Variants in ST3GAL3 observed in about 807,000 individuals in gnomAD.
ST3GAL3 encodes the protein CMP-N-acetylneuraminate-beta-1,4-galactoside alpha-2,3-sialyltransferase.
A neutral mutation model predicts 50.1 loss-of-function variants in ST3GAL3; 21 were observed. The ratio of observed to expected loss-of-function variants is 0.42; its 90% CI spans 0.30 to 0.60. ST3GAL3 has a LOEUF of 0.60. ST3GAL3 is among the 20% of genes least tolerant of loss of function. ST3GAL3 has a pLI of 0.19. For missense variants in ST3GAL3, 353 were observed against 489.4 expected (o/e 0.72, Z 2.63); for synonymous variants, 183 against 190.0 (o/e 0.96, Z 0.30).
intron 4 of ST3GAL3, among the ~76,000 whole-genome samples, chr1:43,823,308 A>G (rs1437363344): frequency 6.6e-6 from 1 of 152,066 alleles, no homozygotes; most frequent in Admixed American, 6.6e-5. Flanking sequence ...AAGGCCCTAC[A>G]TGGTCCACAC....
chr1:43,896,647 A>C (rs1558772911), intron 6 of ST3GAL3: 1 of 152,278 alleles, frequency 6.6e-6, no homozygotes, highest in Non-Finnish European at 1.5e-5. Flanking sequence ...GCGCTCAAGC[A>C]ATCCTCTCAC....
chr1:43,861,854 C>A (rs2070018855), intron 5 of ST3GAL3, among the ~76,000 whole-genome samples: 1 of 152,114 alleles, frequency 6.6e-6, no homozygotes, highest in Non-Finnish European at 1.5e-5. Context: ...CATGGAGAAA[C>A]CCCGTCTCTA....
At chr1:43,781,123 T>TA (rs1047043548) in intron 2 of ST3GAL3, among the ~76,000 whole-genome samples, 10 of 152,186 alleles carry the variant, frequency 6.6e-5, no homozygotes, top group South Asian at 4.1e-4. Flanking sequence ...TCCACTTGTC[T>TA]ACTTGGTTTC....
intron 9 of ST3GAL3, chr1:43,916,504 A>T (rs1292627431): frequency 6.6e-6 from 1 of 152,268 alleles, no homozygotes; most frequent in Non-Finnish European, 1.5e-5. Flanking sequence ...AAGGAGAAGG[A>T]AGAGGTCTGG....
chr1:43,719,934 G>GA (rs148364295), intron 1 of ST3GAL3, among the ~76,000 whole-genome samples: 433 of 41,722 alleles, frequency 0.01, 34 homozygotes, highest in African/African-American at 0.025. Context: ...CTCTGTCTCA[G>GA]AAAAAAAAAA....
At chr1:43,765,725 T>G (rs1692294701) in intron 2 of ST3GAL3, among the ~76,000 whole-genome samples, 1 of 150,480 alleles carries the variant, frequency 6.6e-6, no homozygotes, top group African/African-American at 2.5e-5. Context: ...TAAAACAATT[T>G]CATGTGCATG....
chr1:43,860,718 T>C (rs1021712127), intron 5 of ST3GAL3, among the ~76,000 whole-genome samples: 1 of 152,338 alleles, frequency 6.6e-6, no homozygotes, highest in Non-Finnish European at 1.5e-5. Flanking sequence ...CATGAGCCCC[T>C]TTCCCTAACC....
intron 4 of ST3GAL3, among the ~76,000 whole-genome samples, chr1:43,829,529 C>T (rs151031659): frequency 6.8e-4 from 104 of 152,314 alleles, no homozygotes; most frequent in African/African-American, 2.5e-3. Context: ...CCATTGCCTC[C>T]ATCAGCAAGT....
intron 1 of ST3GAL3, among the ~76,000 whole-genome samples, chr1:43,709,863 A>AAAGG (rs1300180384): frequency 1.3e-5 from 2 of 151,982 alleles, no homozygotes. Context: ...AGAAAGAAAG[A>AAAGG]AATCCTCCAC....
intron 4 of ST3GAL3, among the ~76,000 whole-genome samples, chr1:43,830,186 C>T (rs2154191251): frequency 6.6e-6 from 1 of 150,422 alleles, no homozygotes; most frequent in South Asian, 2.1e-4. Flanking sequence ...GCACATGCCA[C>T]CATGCCCAGC....
At chr1:43,855,628 A>T (rs575887506) in intron 5 of ST3GAL3, among the ~76,000 whole-genome samples, 89 of 152,080 alleles carry the variant, frequency 5.9e-4, no homozygotes, top group East Asian at 4.8e-3. Flanking sequence ...AAATTAAATT[A>T]AATTTAAAAA....
At chr1:43,766,618 A>G (rs1276678982) in intron 2 of ST3GAL3, among the ~76,000 whole-genome samples, 3 of 151,872 alleles carry the variant, frequency 2.0e-5, no homozygotes, top group Non-Finnish European at 2.9e-5. Context: ...GAGTAGTGAG[A>G]CCGAGGATTG....
chr1:43,930,047 T>C (rs1250954631), intron 11 of ST3GAL3, 85 bp from the exon 12 acceptor site: 1 of 1,069,274 alleles, frequency 9.4e-7, no homozygotes, highest in East Asian at 2.4e-5. Context: ...TATTGGAGAG[T>C]GGTGACGAAG....
chr1:43,923,814 T>C (rs2083457168), intron 11 of ST3GAL3, among the ~76,000 whole-genome samples: 1 of 152,048 alleles, frequency 6.6e-6, no homozygotes, highest in African/African-American at 2.4e-5. Context: ...GAGATTTTGC[T>C]ATGTTGCCCA....
intron 1 of ST3GAL3, among the ~76,000 whole-genome samples, chr1:43,729,132 C>T (rs1674467409): frequency 6.7e-6 from 1 of 149,596 alleles, no homozygotes; most frequent in Non-Finnish European, 1.5e-5. Flanking sequence ...CTCTGTCACC[C>T]AGGCTGGAGT....
intron 5 of ST3GAL3, 143 bp from the exon 6 acceptor site, chr1:43,894,240 T>C (rs948605564): frequency 8.7e-6 from 7 of 802,626 alleles, no homozygotes; most frequent in South Asian, 1.4e-5. Context: ...AGCTACCCAG[T>C]GAACAGGCTG....
chr1:43,863,377 A>G (rs976328262), intron 5 of ST3GAL3, among the ~76,000 whole-genome samples: 4 of 152,204 alleles, frequency 2.6e-5, no homozygotes, highest in Non-Finnish European at 1.5e-5. Flanking sequence ...GAATGAGACT[A>G]TGACAGCCCC....
intron 3 of ST3GAL3, among the ~76,000 whole-genome samples, chr1:43,794,503 G>A (rs1378786087): frequency 6.6e-6 from 1 of 152,226 alleles, no homozygotes; most frequent in East Asian, 1.9e-4. Flanking sequence ...AACTGTGGCA[G>A]TATCTAGCTA....
chr1:43,823,878 A>G (rs1205071435), intron 4 of ST3GAL3, among the ~76,000 whole-genome samples: 1 of 152,244 alleles, frequency 6.6e-6, no homozygotes, highest in Non-Finnish European at 1.5e-5. Context: ...ACAGAACTAA[A>G]TGTGATCAAG....
Sources: gnomAD v4.1 joint callset for allele counts (sites outside exome capture counted in the v4.1 genomes callset) on GRCh38, gnomAD v4.1.1 for gene constraint, MANE v1.5 for transcripts, NCBI Gene and HGNC (gene_info 2026-07-23, HGNC 2026-07-21) for gene names.